The following FRMD4A variants were observed in gnomAD, a reference collection of about 807,000 sequenced individuals.
FRMD4A encodes the protein FERM domain containing 4A.
A neutral mutation model predicts 129.1 loss-of-function variants in FRMD4A; 29 were observed. The observed-to-expected ratio is 0.22, with a 90% CI of 0.17 to 0.31. The LOEUF is 0.31. Among genes scored for constraint, FRMD4A ranks in the 10% least tolerant of loss-of-function variants. The pLI is 1.00. For synonymous variants in FRMD4A, 634 were observed against 571.6 expected, an observed-to-expected ratio of 1.11 and a Z score of -1.56; for missense variants, 1,272 against 1,375.8, an observed-to-expected ratio of 0.92 and a Z score of 1.19.
At chr10:14,143,521 T>C (rs922023979) in intron 2 of FRMD4A, among the ~76,000 whole-genome samples, 10 of 152,248 alleles carry the variant, frequency 6.6e-5, no homozygotes, top group Non-Finnish European at 5.9e-5. Flanking sequence ...TTTTGCTAAA[T>C]GGATGGATGG....
At chr10:14,050,001 C>T (rs925763775) in intron 2 of FRMD4A, among the ~76,000 whole-genome samples, 3 of 152,234 alleles carry the variant, frequency 2.0e-5, no homozygotes, top group East Asian at 1.9e-4. Flanking sequence ...ACCTACGACA[C>T]GGAGGCAAGA....
At chr10:14,192,079 A>G (rs1842336393) in intron 2 of FRMD4A, among the ~76,000 whole-genome samples, 1 of 152,216 alleles carries the variant, frequency 6.6e-6, no homozygotes. Flanking sequence ...AGCCCCAGCC[A>G]AAGGTGCACA....
chr10:13,887,339 G>A lies in FRMD4A; in HGVS notation c.46-28427C>T, dbSNP rs57355281. Among the ~76,000 whole-genome samples the A allele has an allele frequency of 4.5e-3, 683 of 152,294 alleles. 6 individuals carry two copies. Among genetic ancestry groups the A allele is most frequent in the African/African-American group, 0.016 (658 of 41,552 alleles). On this transcript the variant is annotated intron_variant, in intron 2 of 24. Transcript: ENST00000357447. ...TGACTTCCATCTTCAAGTGGAAGAT[G>A]AACAATGTTTCTCTTTGGGAGGAAA...
chr10:13,941,227 A>G (rs2095289619), intron 2 of FRMD4A, among the ~76,000 whole-genome samples: 1 of 152,156 alleles, frequency 6.6e-6, no homozygotes. Context: ...TTCTCATGGT[A>G]GTGAATAAGT....
At chr10:13,962,036 C>CATGA (rs1440180261) in intron 2 of FRMD4A, among the ~76,000 whole-genome samples, 2 of 47,986 alleles carry the variant, frequency 4.2e-5, no homozygotes, top group Non-Finnish European at 8.8e-5. Flanking sequence ...AACAAAAACA[C>CATGA]ACGAATGAAT....
chr10:13,655,164 G>A (rs74123087), intron 22 of FRMD4A: 10 of 152,106 alleles, frequency 6.6e-5, no homozygotes, highest in South Asian at 2.1e-4. Flanking sequence ...TCAATCCTAC[G>A]TAAATGCATC....
chr10:14,180,007 C>T (rs1349869932), intron 2 of FRMD4A, among the ~76,000 whole-genome samples: 3 of 152,130 alleles, frequency 2.0e-5, no homozygotes, highest in Non-Finnish European at 1.5e-5. Flanking sequence ...GCACTCCAGC[C>T]TGGGCTACAG....
intron 17 of FRMD4A, among the ~76,000 whole-genome samples, chr10:13,669,617 C>T (rs2083352567): frequency 6.6e-6 from 1 of 152,216 alleles, no homozygotes; most frequent in Non-Finnish European, 1.5e-5. Context: ...TTTAAGGCCT[C>T]TGTTCAAGAG....
At chr10:14,140,936 G>A (rs1285444704) in intron 2 of FRMD4A, among the ~76,000 whole-genome samples, 1 of 152,114 alleles carries the variant, frequency 6.6e-6, no homozygotes, top group Non-Finnish European at 1.5e-5. Flanking sequence ...ATTAGGCAAA[G>A]TGGCAGGGAC....
At chr10:13,857,184 T>C (rs939475418) in intron 3 of FRMD4A, among the ~76,000 whole-genome samples, 2 of 152,196 alleles carry the variant, frequency 1.3e-5, no homozygotes, top group African/African-American at 2.4e-5. Flanking sequence ...CATTTACTTG[T>C]AATAGTGGTA....
At chr10:13,661,365 GA>G (rs2082627781) in intron 19 of FRMD4A, among the ~76,000 whole-genome samples, 1 of 152,200 alleles carries the variant, frequency 6.6e-6, no homozygotes, top group South Asian at 2.1e-4. Context: ...AGAGGAGGAG[GA>G]AGGAAGGGCT....
chr10:13,890,735 G>A (rs950110291), intron 2 of FRMD4A: 11 of 985,276 alleles, frequency 1.1e-5, no homozygotes, highest in Non-Finnish European at 1.3e-5. Flanking sequence ...TTCATGGTGG[G>A]GTCAGGGAGT....
intron 8 of FRMD4A, among the ~76,000 whole-genome samples, chr10:13,758,956 C>T (rs145110847): frequency 6.6e-6 from 1 of 152,244 alleles, no homozygotes; most frequent in African/African-American, 2.4e-5. Context: ...TGTTGGGTAT[C>T]TTCCCAGAAG....
intron 2 of FRMD4A, among the ~76,000 whole-genome samples, chr10:14,175,519 TTCC>T (rs1841688638): frequency 8.3e-6 from 1 of 120,264 alleles, no homozygotes; most frequent in Admixed American, 1.3e-4. Flanking sequence ...TCCAGTTTGC[TTCC>T]TTTTTTTTTT....
intron 2 of FRMD4A, among the ~76,000 whole-genome samples, chr10:14,047,027 C>G (rs1834018572): frequency 6.6e-6 from 1 of 152,100 alleles, no homozygotes; most frequent in South Asian, 2.1e-4. Flanking sequence ...AGATGGGGTG[C>G]TCAGGCCTCC....
At chr10:13,777,883 C>A (rs1286174649) in intron 6 of FRMD4A, among the ~76,000 whole-genome samples, 1 of 147,394 alleles carries the variant, frequency 6.8e-6, no homozygotes. Context: ...ACTGCAACCT[C>A]AGCCTCCCGG....
At chr10:14,031,430 G>T (rs534431737) in intron 2 of FRMD4A, among the ~76,000 whole-genome samples, 43 of 152,124 alleles carry the variant, frequency 2.8e-4, no homozygotes, top group Non-Finnish European at 5.4e-4. Context: ...ACCATGCCTG[G>T]CTAATTTTTG....
chr10:13,829,695 T>A (rs1256499060), intron 3 of FRMD4A, among the ~76,000 whole-genome samples: 1 of 152,168 alleles, frequency 6.6e-6, no homozygotes, highest in Admixed American at 6.5e-5. Context: ...CCTCTATTTG[T>A]AGATATGGGT....
At chr10:13,703,600 G>T (rs1043291174) in intron 13 of FRMD4A, among the ~76,000 whole-genome samples, 12 of 152,186 alleles carry the variant, frequency 7.9e-5, no homozygotes, top group African/African-American at 2.9e-4. Context: ...GAGGGGCTGA[G>T]CCCGGAACAC....
Sources: gnomAD v4.1 joint callset for allele counts (sites outside exome capture counted in the v4.1 genomes callset) on GRCh38, gnomAD v4.1.1 for gene constraint, MANE v1.5 for transcripts, NCBI Gene and HGNC (gene_info 2026-07-23, HGNC 2026-07-21) for gene names.